MSI2: variants seen among roughly 807,000 people sequenced by gnomAD.
MSI2 encodes the protein musashi RNA binding protein 2, also known as RNA-binding protein Musashi homolog 2.
In MSI2, 17 loss-of-function variants were observed where a neutral mutation model predicts 45.6. The ratio of observed to expected loss-of-function variants is 0.37; its 90% confidence interval spans 0.26 to 0.56. The LOEUF (loss-of-function observed/expected upper bound fraction) is 0.56, where lower values mean the gene tolerates loss of function less well. Ranked by LOEUF, MSI2 falls within the 20% of genes least tolerant of loss-of-function variation. The probability of loss-of-function intolerance (pLI) is 0.77; values close to 1 mark genes in which losing one functional copy is unlikely to be tolerated. For synonymous variants in MSI2, 156 were observed against 158.2 expected (o/e 0.99, Z 0.11); for missense variants, 293 against 444.2 (o/e 0.66, Z 3.06).
intron 5 of MSI2, among the ~76,000 whole-genome samples, chr17:57,310,908 G>C (rs967023461): frequency 3.3e-5 from 5 of 152,164 alleles, no homozygotes; most frequent in Middle Eastern, 3.2e-3. Flanking sequence ...ACTATCTGGG[G>C]ACCCTTGGCA....
chr17:57,372,900 A>C (rs978863130), intron 5 of MSI2, among the ~76,000 whole-genome samples: 3 of 152,172 alleles, frequency 2.0e-5, no homozygotes, highest in Admixed American at 1.3e-4. Flanking sequence ...GTATTGATTA[A>C]TTGACTGCAA....
intron 6 of MSI2, among the ~76,000 whole-genome samples, chr17:57,477,893 A>G (rs277068): frequency 0.8 from 121,288 of 152,194 alleles, 48,767 homozygotes; most frequent in East Asian, 0.9. Context: ...GCAAGAGACT[A>G]TCGCAGCCTT....
intron 7 of MSI2, among the ~76,000 whole-genome samples, chr17:57,541,636 G>T (rs758190078): frequency 1.3e-5 from 2 of 152,118 alleles, no homozygotes; most frequent in Non-Finnish European, 2.9e-5. Flanking sequence ...GGTCAAAATG[G>T]CAACACCTAC....
rs552572269 is a variant in MSI2 at position 57,683,657 on chromosome 17, G to C, written c.*4140G>C. The C allele has an allele frequency of 1.0e-4, 24 of 231,912 alleles. No individual in the cohort carries two copies. Among genetic ancestry groups the C allele is most frequent in the Non-Finnish European group, 1.5e-4 (18 of 117,356 alleles). The allele number at this position is 231,912 out of a possible 1,614,324, so 14.4% of individuals were successfully genotyped here. Reference sequence around the variant, plus strand: ...CGCAGGAACAGAGGGAGAGTGGGGGGCTGGTGGGGGAGGGGAGATTTTTTT... The same window carrying C: ...CGCAGGAACAGAGGGAGAGTGGGGGCCTGGTGGGGGAGGGGAGATTTTTTT... On this transcript the variant is annotated 3_prime_UTR_variant, in exon 14 of 14. Transcript: ENST00000284073. This position sits in a 1 kb window ranked among gnomAD's most constrained non-coding sequence, Gnocchi z 5.2.
At chr17:57,261,825 G>A (rs1395218193) in intron 4 of MSI2, among the ~76,000 whole-genome samples, 1 of 152,178 alleles carries the variant, frequency 6.6e-6, no homozygotes, top group African/African-American at 2.4e-5. Context: ...CAAATTAGAT[G>A]TAGATACCAT....
chr17:57,697,301 A>G, the MSI2 span, among the ~76,000 whole-genome samples: 1 of 151,536 alleles, frequency 6.6e-6, no homozygotes, highest in Admixed American at 6.6e-5. Context: ...ACACACTCAC[A>G]TGGACCCACT....
At chr17:57,573,864 A>T (rs562210485) in intron 7 of MSI2, among the ~76,000 whole-genome samples, 4 of 152,318 alleles carry the variant, frequency 2.6e-5, no homozygotes, top group Admixed American at 6.5e-5. Context: ...TCTAACTGGG[A>T]TAACATTACT....
At chr17:57,610,251 G>A (rs945678556) in intron 8 of MSI2, among the ~76,000 whole-genome samples, 1 of 152,208 alleles carries the variant, frequency 6.6e-6, no homozygotes, top group African/African-American at 2.4e-5. Context: ...AGGAGTTCGA[G>A]ACCAGCCTGG....
intron 5 of MSI2, among the ~76,000 whole-genome samples, chr17:57,323,614 C>A (rs7211628): frequency 6.6e-6 from 1 of 152,250 alleles, no homozygotes; most frequent in African/African-American, 2.4e-5. Context: ...GCCTGTGCTG[C>A]GCTGCCAAGC....
At chr17:57,365,567 G>C (rs1366901621) in intron 5 of MSI2, among the ~76,000 whole-genome samples, 2 of 152,144 alleles carry the variant, frequency 1.3e-5, no homozygotes, top group Non-Finnish European at 2.9e-5. Flanking sequence ...TGTCTACTGG[G>C]AGACATTAGG....
At chr17:57,644,350 T>C (rs1361300535) in intron 10 of MSI2, among the ~76,000 whole-genome samples, 1 of 152,050 alleles carries the variant, frequency 6.6e-6, no homozygotes, top group African/African-American at 2.4e-5. Context: ...GTGAGTCCCT[T>C]GGTCCTCCCA....
chr17:57,413,958 A>T (rs2084245247), intron 6 of MSI2, among the ~76,000 whole-genome samples: 1 of 151,970 alleles, frequency 6.6e-6, no homozygotes, highest in South Asian at 2.1e-4. Context: ...CTTGAATGCC[A>T]GGTACCGAGC....
intron 6 of MSI2, among the ~76,000 whole-genome samples, chr17:57,456,250 G>A (rs1446530682): frequency 6.6e-6 from 1 of 152,250 alleles, no homozygotes; most frequent in African/African-American, 2.4e-5. Flanking sequence ...GAAGGGATGA[G>A]TCCAGGGCAC....
chr17:57,461,904 TC>T (rs2085237307), intron 6 of MSI2, among the ~76,000 whole-genome samples: 2 of 152,312 alleles, frequency 1.3e-5, no homozygotes, highest in Admixed American at 1.3e-4. Context: ...CCCATTTCCT[TC>T]CTCTTGTCCT....
At chr17:57,631,850 C>G (rs777960654) in intron 10 of MSI2, 1 of 1,612,714 alleles carries the variant, frequency 6.2e-7, no homozygotes, top group Non-Finnish European at 8.5e-7. Flanking sequence ...AGAGGCATAG[C>G]AAAGTGGGGG....
rs1908911308 is a variant in MSI2, at chr17:57,627,422, A to G, written c.727+119A>G. 3 of 881,316 alleles carry G rather than the reference A, an allele frequency of 3.4e-6. No homozygotes were observed. The highest frequency in any genetic ancestry group is 3.7e-6 in the Non-Finnish European group (2 of 533,880). The allele number at this position is 881,316 out of a possible 1,614,324, so 54.6% of individuals were successfully genotyped here. ...ACATGCATCCACTTGAAAATGACCTATACATGATAAATTTCAAATCCACTG... is the reference window on the plus strand; with the variant it reads ...ACATGCATCCACTTGAAAATGACCTGTACATGATAAATTTCAAATCCACTG... On this transcript the variant is annotated intron_variant, in intron 10 of 13. Coordinates refer to ENST00000284073, the MANE Select transcript of MSI2 (RefSeq NM_138962.4). This position sits in a 1 kb window ranked among gnomAD's most constrained non-coding sequence, Gnocchi z 4.6.
At chr17:57,506,185 G>C (rs2086224535) in intron 6 of MSI2, among the ~76,000 whole-genome samples, 1 of 152,232 alleles carries the variant, frequency 6.6e-6, no homozygotes, top group Non-Finnish European at 1.5e-5. Flanking sequence ...GCAGGACCCT[G>C]ATGGGCCAAT....
rs1049297860 is a variant in MSI2 at position 57,610,619 on chromosome 17, C to A, written c.538-5351C>A. Reference sequence around the variant, plus strand: ...GTAAGGAGTTAGAAACTGCAAACCTCCTTGCTGAGTTGCTGTGGATGCTGA... The same window carrying A: ...GTAAGGAGTTAGAAACTGCAAACCTACTTGCTGAGTTGCTGTGGATGCTGA... On this transcript the variant is annotated intron_variant, in intron 8 of 13. Coordinates refer to ENST00000284073, the MANE Select transcript of MSI2 (RefSeq NM_138962.4). Among the ~76,000 whole-genome samples, 5 of 94,552 alleles carry A rather than the reference C, an allele frequency of 5.3e-5. 2 individuals are homozygous for A. The South Asian group carries it at 1.9e-3, about 36-fold the overall frequency. The allele number at this position is 94,552 out of a possible 152,430, so 62.0% of individuals were successfully genotyped here.
chr17:57,262,613 T>A (rs1405100198), intron 5 of MSI2, among the ~76,000 whole-genome samples: 1 of 152,218 alleles, frequency 6.6e-6, no homozygotes, highest in Non-Finnish European at 1.5e-5. Flanking sequence ...TGATCCTTTC[T>A]TGGAAAAGAC....
Sources: gnomAD v4.1 joint callset for allele counts (sites outside exome capture counted in the v4.1 genomes callset) on GRCh38, gnomAD v4.1.1 for gene constraint, Gnocchi (gnomAD v3.1) non-coding constraint, MANE v1.5 for transcripts, NCBI Gene and HGNC (gene_info 2026-07-23, HGNC 2026-07-21) for gene names.